Variants in MIF4GD observed in about 807,000 individuals in gnomAD.
The protein encoded by MIF4GD is MIF4G domain containing.
Under a neutral mutation model 26.7 loss-of-function variants are expected in MIF4GD, and 22 were observed. The observed-to-expected ratio is 0.82, with a 90% CI of 0.59 to 1.18. MIF4GD has a LOEUF of 1.18. MIF4GD is among the 50% of genes most tolerant of loss of function. MIF4GD has a pLI of 0.00. For synonymous variants in MIF4GD, 137 were observed against 111.6 expected, an observed-to-expected ratio of 1.23 and a Z score of -1.43; for missense variants, 262 against 279.6, an observed-to-expected ratio of 0.94 and a Z score of 0.45.
At chr17:75,268,671 CAAAAAAAAAA>C (rs1192409186) in intron 2 of MIF4GD, among the ~76,000 whole-genome samples, 1 of 47,844 alleles carries the variant, frequency 2.1e-5, no homozygotes. Flanking sequence ...GACTCCGTCT[CAAAAAAAAAA>C]AAAAAAAGAA....
chr17:75,267,437 C>T, intron 5 of MIF4GD, 101 bp downstream of exon 5: 4 of 1,175,062 alleles, frequency 3.4e-6, no homozygotes, highest in Non-Finnish European at 5.0e-6. Context: ...AGAAGTGACA[C>T]AGTCCTCAGA....
chr17:75,268,040 C>A (rs773344465), intron 3 of MIF4GD, 43 bp downstream of exon 3: 1 of 1,608,632 alleles, frequency 6.2e-7, no homozygotes, highest in South Asian at 1.1e-5. Context: ...ACTCCTGAAG[C>A]ACCTTCCTCA....
chr17:75,268,416 C>T (rs989645156), intron 2 of MIF4GD, among the ~76,000 whole-genome samples: 5 of 152,130 alleles, frequency 3.3e-5, no homozygotes, highest in Non-Finnish European at 7.4e-5. Flanking sequence ...GTAATCCCAA[C>T]GCTTTGGGAG....
chr17:75,267,557 C>G lies in MIF4GD; in HGVS notation c.422G>C (p.Ser141Thr). ...DCLFRLAQPD[S>T]LSKEEEVDCL... ...ACCCACCTCCTCCTCCTTGCTCAAA[C>G]TGTCTGGCTGGGCCAGCCGGAAGAG... is the stretch of plus-strand genomic sequence containing the variant. The change falls in exon 5 of 6, where the codon AGT becomes ACT. Residue 141 changes from serine to threonine, a missense_variant. Physicochemically the swap from Ser to Thr is moderately conservative, Grantham distance 58. Coordinates refer to ENST00000325102, the MANE Select transcript of MIF4GD (RefSeq NM_001370592.1). The G allele has an allele frequency of 6.2e-7, 1 of 1,613,986 alleles. No homozygotes were observed. The highest frequency in any genetic ancestry group is 8.5e-7 in the Non-Finnish European group (1 of 1,179,836).
rs754627506 is a variant in MIF4GD, at chr17:75,266,783, G to A, written c.626C>T (p.Thr209Met). Reference sequence around the variant, plus strand: ...GTAGTAATACTTGTGGGCAGCTGGCGTTGTCTTCCAGCCGGCCGCCCGGAA... The same window carrying A: ...GTAGTAATACTTGTGGGCAGCTGGCATTGTCTTCCAGCCGGCCGCCCGGAA... Reference protein sequence around the residue: ...IEFRAAGWKTTPAAHKYYYSE... With the variant: ...IEFRAAGWKTMPAAHKYYYSE... Residue 209 changes from threonine (T) to methionine (M), a missense_variant, in exon 6 of 6, where the codon ACG becomes ATG. Coordinates refer to ENST00000325102, the MANE Select transcript of MIF4GD (RefSeq NM_001370592.1). 18 of 1,614,188 alleles carry A rather than the reference G, an allele frequency of 1.1e-5. No homozygotes were observed. The highest frequency in any genetic ancestry group is 2.2e-5 in the East Asian group (1 of 44,888).
chr17:75,266,282 T>C lies in MIF4GD; in HGVS notation c.*458A>G, dbSNP rs1405144698. On this transcript the variant is annotated 3_prime_UTR_variant, in exon 6 of 6. Coordinates refer to ENST00000325102, the MANE Select transcript of MIF4GD (RefSeq NM_001370592.1). ...ATTCTCACGCTGAACTGGTGTAGCA[T>C]GTGGTGCAGCATTCAGTGAAACTGG... is the stretch of plus-strand genomic sequence containing the variant. The C allele has an allele frequency of 8.1e-6, 3 of 372,132 alleles. No homozygotes were observed. Among genetic ancestry groups the C allele is most frequent in the Admixed American group, 4.2e-5 (1 of 23,562 alleles). The allele number at this position is 372,132 out of a possible 1,614,324, so 23.1% of individuals were successfully genotyped here. A position where few individuals can be genotyped will look rare whatever the true frequency, so the allele number is the denominator to read the frequency against.
At chr17:75,269,351 G>C in intron 2 of MIF4GD, 2 of 1,614,006 alleles carry the variant, frequency 1.2e-6, no homozygotes, top group Non-Finnish European at 1.7e-6. Flanking sequence ...ACAAACCTCT[G>C]TACTGCGTGT....
At position 75,268,152 on chromosome 17, in the gene MIF4GD, A is replaced by G. The variant is rs1260010580; in HGVS notation, c.123T>C (p.Ile41=). The change falls in exon 3 of 6, where the codon ATT becomes ATC. Residue 41 remains isoleucine (I), a synonymous_variant. Coordinates refer to ENST00000325102, the MANE Select transcript of MIF4GD (RefSeq NM_001370592.1). Reference sequence around the variant, plus strand: ...CACAGTCCTGCAGAGAATGGTCCACAATCACATTGGCCACTTTCTCCAAGT... The same window carrying G: ...CACAGTCCTGCAGAGAATGGTCCACGATCACATTGGCCACTTTCTCCAAGT... ...AVDLEKVANV[I]VDHSLQDCVF... 1 of 1,614,224 alleles carries G rather than the reference A, an allele frequency of 6.2e-7. No homozygotes were observed. Among genetic ancestry groups the G allele is most frequent in the Admixed American group, 1.7e-5 (1 of 60,026 alleles).
intron 2 of MIF4GD, among the ~76,000 whole-genome samples, chr17:75,268,546 C>A (rs1164465090): frequency 6.6e-6 from 1 of 151,614 alleles, no homozygotes. Flanking sequence ...TGCGTCATCT[C>A]ATGTCATCCA....
chr17:75,268,147 T>C lies in MIF4GD; in HGVS notation c.128A>G (p.Asp43Gly). Reference sequence around the variant, plus strand: ...GAACACACAGTCCTGCAGAGAATGGTCCACAATCACATTGGCCACTTTCTC... The same window carrying C: ...GAACACACAGTCCTGCAGAGAATGGCCCACAATCACATTGGCCACTTTCTC... ...DLEKVANVIV[D>G]HSLQDCVFSK... Residue 43 changes from aspartate (D) to glycine (G), a missense_variant, in exon 3 of 6, where the codon GAC becomes GGC. Physicochemically the swap from Asp to Gly is moderately conservative, Grantham distance 94. Coordinates refer to ENST00000325102, the MANE Select transcript of MIF4GD (RefSeq NM_001370592.1). The C allele has an allele frequency of 7.4e-6, 12 of 1,614,220 alleles. No homozygotes were observed. The highest frequency in any genetic ancestry group is 1.0e-5 in the Non-Finnish European group (12 of 1,180,032).
chr17:75,266,245 A>T lies in MIF4GD; in HGVS notation c.*495T>A, dbSNP rs551432840. 7.9e-5 allele frequency: 32 copies of T among 404,430 alleles called. No individual in the cohort carries two copies. Among genetic ancestry groups the T allele is most frequent in the Non-Finnish European group, 1.5e-4 (32 of 220,074 alleles). The allele number at this position is 404,430 out of a possible 1,614,324, so 25.1% of individuals were successfully genotyped here. ...GGAAGCAGTTTTAGTATCAGAAAAG[A>T]TTTATTAGAAAATTCTCACGCTGAA... On this transcript the variant is annotated 3_prime_UTR_variant, in exon 6 of 6. Transcript: ENST00000325102.
At chr17:75,269,506 C>T in intron 2 of MIF4GD, 3 of 1,572,562 alleles carry the variant, frequency 1.9e-6, no homozygotes, top group Non-Finnish European at 2.6e-6. Context: ...CAAATGTAAG[C>T]GCTTCAAGGG....
In MIF4GD at chr17:75,270,886, G is replaced by T. The variant is rs1235527564; in HGVS notation, c.-51+258C>A. ...TCGGCTCCCGAGTGGCAGTAACCCG[G>T]CCCTACGCACTCGAGACTCCTAATT... On this transcript the variant is annotated intron_variant, in intron 1 of 5. Coordinates refer to ENST00000325102, the MANE Select transcript of MIF4GD (RefSeq NM_001370592.1). The surrounding 1 kb of genome is among the most constrained non-coding windows in gnomAD (Gnocchi z 5.7). 1.3e-5 allele frequency: 2 copies of T among 152,458 alleles called. No homozygotes were observed. Among genetic ancestry groups the T allele is most frequent in the African/African-American group, 4.8e-5 (2 of 41,448 alleles). The allele number at this position is 152,458 out of a possible 1,614,324, so 9.4% of individuals were successfully genotyped here.
rs61739324 is a variant in MIF4GD at position 75,266,931 on chromosome 17, C to T, written c.478G>A (p.Glu160Lys). The T allele has an allele frequency of 0.018, 28,975 of 1,614,006 alleles. 1,702 individuals are homozygous for T. The highest frequency in any genetic ancestry group is 0.16 in the African/African-American group (12,246 of 74,994). Residue 160 changes from glutamate to lysine, a missense_variant, in exon 6 of 6, where the codon GAG becomes AAG. By Grantham distance (56) the Glu-to-Lys change is moderately conservative. Transcript: ENST00000325102. ...TGCCCATTCATTTTCTCCAGCTGCT[C>T]CCCAACCCGGTGCAGCTGCAGCACC... Reference protein sequence around the residue: ...CLVLQLHRVGEQLEKMNGQRM... With the variant: ...CLVLQLHRVGKQLEKMNGQRM...
chr17:75,269,117 T>C (rs2077615608), intron 2 of MIF4GD, among the ~76,000 whole-genome samples: 4 of 152,342 alleles, frequency 2.6e-5, no homozygotes, highest in East Asian at 1.9e-4. Context: ...ATGTGGCTAG[T>C]AGGGACCAAT....
intron 2 of MIF4GD, chr17:75,269,297 G>C: frequency 1.9e-6 from 3 of 1,605,628 alleles, no homozygotes; most frequent in Non-Finnish European, 2.6e-6. Context: ...CTCCCAACAG[G>C]CTCGGCTTGA....
chr17:75,266,869 G>A lies in MIF4GD; in HGVS notation c.540C>T (p.Gly180=). 6.2e-7 allele frequency: 1 copy of A among 1,614,188 alleles called. No individual in the cohort carries two copies. Among genetic ancestry groups the A allele is most frequent in the East Asian group, 2.2e-5 (1 of 44,884 alleles). ...AGCTGAGGCCAGTTGGGAGCAGGAA[G>A]CCATCCCGGATCAGCACAAAGAGCT... ...MDELFVLIRD[G]FLLPTGLSSL... Residue 180 remains glycine (G), a synonymous_variant, in exon 6 of 6, where the codon GGC becomes GGT. Coordinates refer to ENST00000325102, the MANE Select transcript of MIF4GD (RefSeq NM_001370592.1).
At position 75,270,279 on chromosome 17, in the gene MIF4GD, T is replaced by C; in HGVS notation, c.-50-34A>G. ...AAGAGGCGAAGGGAGCGGCCTCAGGTGTGGAGCGCAGGGCGGGTTCCGTCC... is the reference window on the plus strand; with the variant it reads ...AAGAGGCGAAGGGAGCGGCCTCAGGCGTGGAGCGCAGGGCGGGTTCCGTCC... On this transcript the variant is annotated intron_variant, in intron 1 of 5. Transcript: ENST00000325102. This position sits in a 1 kb window ranked among gnomAD's most constrained non-coding sequence, Gnocchi z 5.7. 2 of 1,268,148 alleles carry C rather than the reference T, an allele frequency of 1.6e-6. No homozygotes were observed. The highest frequency in any genetic ancestry group is 2.3e-6 in the Non-Finnish European group (2 of 871,736). 78.6% of individuals were successfully genotyped at this position (1,268,148 alleles called of 1,614,324 possible).
At position 75,270,790 on chromosome 17, in the gene MIF4GD, G is replaced by A. The variant is rs1238418241; in HGVS notation, c.-51+354C>T. 1.3e-5 allele frequency among the ~76,000 whole-genome samples: 2 copies of A among 152,144 alleles called. No individual in the cohort carries two copies. Among genetic ancestry groups the A allele is most frequent in the Non-Finnish European group, 2.9e-5 (2 of 68,016 alleles). ...GGGTGGGGACGCAGGCGCCCTGTCC[G>A]CCGCCCCTGCCGGGAGCAGCCTGAA... On this transcript the variant is annotated intron_variant, in intron 1 of 5. Transcript: ENST00000325102. This position sits in a 1 kb window ranked among gnomAD's most constrained non-coding sequence, Gnocchi z 5.7.
Sources: gnomAD v4.1 joint callset for allele counts (sites outside exome capture counted in the v4.1 genomes callset) on GRCh38, gnomAD v4.1.1 for gene constraint, Gnocchi (gnomAD v3.1) non-coding constraint, MANE v1.5 for transcripts, NCBI Gene and HGNC (gene_info 2026-07-23, HGNC 2026-07-21) for gene names.